The following GABRB1 variants were observed in gnomAD, a reference collection of about 807,000 sequenced individuals.
The protein encoded by GABRB1 is gamma-aminobutyric acid receptor subunit beta-1.
GABRB1 carries 17 observed loss-of-function variants against 51.6 expected under a neutral mutation model. That is an observed-to-expected ratio of 0.33 (90% CI 0.23 to 0.49). The LOEUF is 0.49. Ranked by LOEUF, GABRB1 falls within the 20% of genes least tolerant of loss-of-function variation. GABRB1 has a pLI of 0.99. For synonymous variants in GABRB1, 247 were observed against 218.9 expected (o/e 1.13, Z -1.14); for missense variants, 410 against 600.6 (o/e 0.68, Z 3.32).
intron 3 of GABRB1, among the ~76,000 whole-genome samples, chr4:47,113,299 T>C (rs59130999): frequency 0.39 from 58,335 of 151,046 alleles, 11,529 homozygotes; most frequent in South Asian, 0.45. Context: ...GGAAGGAGAA[T>C]TGCTTGAACC....
At position 47,095,820 on chromosome 4, in the gene GABRB1, C is replaced by A. The variant is rs554310563; in HGVS notation, c.240+63336C>A. Among the ~76,000 whole-genome samples, 24 of 152,212 alleles carry A rather than the reference C, an allele frequency of 1.6e-4. No homozygotes were observed. The South Asian group carries it at 4.8e-3, about 30-fold the overall frequency. Reference sequence around the variant, plus strand: ...ATCACTTGCATAATCCATAAGCCATCGGTAGTCTTTACCTGGAATTTAAAT... The same window carrying A: ...ATCACTTGCATAATCCATAAGCCATAGGTAGTCTTTACCTGGAATTTAAAT... On this transcript the variant is annotated intron_variant, in intron 3 of 8. Coordinates refer to ENST00000295454, the MANE Select transcript of GABRB1 (RefSeq NM_000812.4).
intron 3 of GABRB1, among the ~76,000 whole-genome samples, chr4:47,116,640 T>A (rs1442103): frequency 0.27 from 40,933 of 152,082 alleles, 6,448 homozygotes; most frequent in Middle Eastern, 0.43. Flanking sequence ...CCTTGGGATT[T>A]CTGATTAGAT....
intron 3 of GABRB1, among the ~76,000 whole-genome samples, chr4:47,117,365 T>A (rs1715541311): frequency 6.6e-6 from 1 of 152,192 alleles, no homozygotes; most frequent in Non-Finnish European, 1.5e-5. Flanking sequence ...TAAGTCTCTC[T>A]AATCTGGATG....
intron 3 of GABRB1, among the ~76,000 whole-genome samples, chr4:47,043,863 A>G (rs1425327328): frequency 6.6e-6 from 1 of 152,126 alleles, no homozygotes. Flanking sequence ...TGAGAGAGGA[A>G]AACATAATGC....
chr4:47,289,300 A>T (rs1036154615), intron 4 of GABRB1, among the ~76,000 whole-genome samples: 1 of 152,066 alleles, frequency 6.6e-6, no homozygotes, highest in African/African-American at 2.4e-5. Context: ...GAACTCACTC[A>T]GAAAGGAAAA....
chr4:47,082,719 C>T (rs909596632), intron 3 of GABRB1, among the ~76,000 whole-genome samples: 2 of 152,040 alleles, frequency 1.3e-5, no homozygotes, highest in Non-Finnish European at 2.9e-5. Context: ...TATACTGTTT[C>T]TAAAGTCCCT....
intron 4 of GABRB1, among the ~76,000 whole-genome samples, chr4:47,213,852 T>C (rs576102420): frequency 6.6e-6 from 1 of 152,080 alleles, no homozygotes; most frequent in African/African-American, 2.4e-5. Flanking sequence ...TTTTTTCTGT[T>C]CAGGAAGTAC....
intron 3 of GABRB1, among the ~76,000 whole-genome samples, chr4:47,156,904 G>A (rs186298584): frequency 6.6e-6 from 1 of 152,154 alleles, no homozygotes; most frequent in African/African-American, 2.4e-5. Flanking sequence ...GGAGGTAGAG[G>A]TTGCAGTGAG....
chr4:47,146,899 T>C (rs1275862147), intron 3 of GABRB1, among the ~76,000 whole-genome samples: 5 of 152,184 alleles, frequency 3.3e-5, no homozygotes, highest in Middle Eastern at 3.4e-3. Flanking sequence ...TAACTTTTAA[T>C]GTCATAAAGA....
At chr4:47,248,680 C>T (rs1317924264) in intron 4 of GABRB1, among the ~76,000 whole-genome samples, 1 of 151,844 alleles carries the variant, frequency 6.6e-6, no homozygotes, top group Non-Finnish European at 1.5e-5. Flanking sequence ...ATTTGAATCT[C>T]ACTGCTTGTT....
chr4:47,063,191 G>A lies in GABRB1; in HGVS notation c.240+30707G>A, dbSNP rs182025149. On this transcript the variant is annotated intron_variant, in intron 3 of 8. Transcript: ENST00000295454. ...TGGAATGAGATTAACCACGACCGAT[G>A]CAGGCCTTGAACGTGCCAAGCAGGC... Among the ~76,000 whole-genome samples, 308 of 152,198 alleles carry A rather than the reference G, an allele frequency of 2.0e-3. 2 individuals are homozygous for A. The highest frequency in any genetic ancestry group is 2.2e-3 in the Non-Finnish European group (151 of 68,018).
chr4:47,356,121 A>G (rs891794444), intron 5 of GABRB1, among the ~76,000 whole-genome samples: 2 of 152,204 alleles, frequency 1.3e-5, no homozygotes, highest in Admixed American at 6.5e-5. Context: ...GGATGAATGA[A>G]CAAAGAGTTT....
At chr4:47,175,336 C>G (rs1010807122) in intron 4 of GABRB1, among the ~76,000 whole-genome samples, 3 of 152,064 alleles carry the variant, frequency 2.0e-5, no homozygotes, top group African/African-American at 7.2e-5. Flanking sequence ...GGATTACAAG[C>G]ATGAATCATC....
chr4:47,048,773 C>T (rs933992823), intron 3 of GABRB1, among the ~76,000 whole-genome samples: 9 of 152,146 alleles, frequency 5.9e-5, no homozygotes, highest in Non-Finnish European at 1.3e-4. Context: ...AAGCTCAGGG[C>T]TGTCTGACTT....
chr4:47,348,117 A>T (rs778286799), intron 5 of GABRB1, among the ~76,000 whole-genome samples: 1 of 152,162 alleles, frequency 6.6e-6, no homozygotes, highest in Non-Finnish European at 1.5e-5. Flanking sequence ...AAACACAGTA[A>T]CCTTTTAATC....
chr4:47,235,602 C>G (rs1351074323), intron 4 of GABRB1, among the ~76,000 whole-genome samples: 1 of 150,052 alleles, frequency 6.7e-6, no homozygotes, highest in African/African-American at 2.4e-5. Flanking sequence ...TCTAGAAAAA[C>G]TCTTTGGGAA....
Position 47,297,286 on chromosome 4 carries a change from A to AT in GABRB1, c.462-22841_462-22840insT, listed in dbSNP as rs576015693. On this transcript the variant is annotated intron_variant, in intron 4 of 8. Transcript: ENST00000295454. ...GAGCAGAACTGAAGGAAATAGAGAC[A>AT]CAAAAACCCTTCAAAAAATTAATGA... Among the ~76,000 whole-genome samples, 381 of 77,550 alleles carry AT rather than the reference A, an allele frequency of 4.9e-3. 5 individuals are homozygous for AT. The highest frequency in any genetic ancestry group is 0.021 in the African/African-American group (354 of 17,188). The allele number at this position is 77,550 out of a possible 152,430, so 50.9% of individuals were successfully genotyped here. A position where few individuals can be genotyped will look rare whatever the true frequency, so the allele number is the denominator to read the frequency against.
At chr4:47,234,725 A>G (rs1301629473) in intron 4 of GABRB1, among the ~76,000 whole-genome samples, 2 of 152,148 alleles carry the variant, frequency 1.3e-5, no homozygotes, top group African/African-American at 2.4e-5. Context: ...CACTCTATCA[A>G]TGACTTAGAT....
chr4:47,216,687 T>A (rs1398848170), intron 4 of GABRB1, among the ~76,000 whole-genome samples: 2 of 151,940 alleles, frequency 1.3e-5, no homozygotes, highest in Admixed American at 1.3e-4. Context: ...GGGGGAGCTC[T>A]ATTTCATATC....
Sources: allele counts gnomAD v4.1 joint callset (sites outside exome capture counted in the v4.1 genomes callset), GRCh38; gene constraint gnomAD v4.1.1; transcripts MANE v1.5; gene names NCBI Gene and HGNC (gene_info 2026-07-23, HGNC 2026-07-21).